Variants in E2F3 observed in about 807,000 individuals in gnomAD.
The protein encoded by E2F3 is E2F transcription factor 3.
A neutral mutation model predicts 44.4 loss-of-function variants in E2F3; 11 were observed. The observed-to-expected ratio is 0.25, with a 90% confidence interval of 0.16 to 0.41. The LOEUF (loss-of-function observed/expected upper bound fraction) is 0.41. E2F3 is among the 10% of genes least tolerant of loss of function. The pLI, the probability that E2F3 is intolerant of heterozygous loss-of-function variation, is 1.00. For synonymous variants in E2F3, 249 were observed against 253.0 expected (o/e 0.98, Z 0.15); for missense variants, 487 against 583.6 (o/e 0.83, Z 1.70).
chr6:20,429,268 T>C (rs1760317188), intron 1 of E2F3, among the ~76,000 whole-genome samples: 1 of 152,196 alleles, frequency 6.6e-6, no homozygotes, highest in Non-Finnish European at 1.5e-5. Flanking sequence ...TTGTCCCCCT[T>C]ATCCACGGTG....
chr6:20,413,870 G>T (rs114812514), intron 1 of E2F3, among the ~76,000 whole-genome samples: 3,840 of 152,282 alleles, frequency 0.025, 64 homozygotes, highest in Non-Finnish European at 0.038. Flanking sequence ...GGAAGTGAAG[G>T]GCAGATTAAG....
intron 1 of E2F3, among the ~76,000 whole-genome samples, chr6:20,424,595 T>C (rs534605962): frequency 1.1e-4 from 16 of 152,232 alleles, no homozygotes; most frequent in Non-Finnish European, 1.8e-4. Context: ...TTACATACTT[T>C]TTTTTTTCAT....
intron 1 of E2F3, among the ~76,000 whole-genome samples, chr6:20,450,109 C>T (rs1326431926): frequency 2.0e-5 from 3 of 152,114 alleles, no homozygotes. Flanking sequence ...CATAACAGAA[C>T]AATTTATATT....
intron 1 of E2F3, among the ~76,000 whole-genome samples, chr6:20,464,221 A>G (rs12660613): frequency 0.18 from 27,054 of 152,090 alleles, 2,638 homozygotes; most frequent in East Asian, 0.4. Flanking sequence ...TGGTGATCAG[A>G]TGGGCTGTTG....
At position 20,479,655 on chromosome 6, in the gene E2F3, G is replaced by A. The variant is rs1407771876; in HGVS notation, c.394-191G>A. 8.5e-5 allele frequency among the ~76,000 whole-genome samples: 13 copies of A among 152,350 alleles called. No individual in the cohort carries two copies. In the South Asian group the frequency reaches 2.7e-3, roughly 32 times the overall value. On this transcript the variant is annotated intron_variant, in intron 1 of 6. Coordinates refer to ENST00000346618, the MANE Select transcript of E2F3 (RefSeq NM_001949.5). ...CGGATGATCACGGCAGGTGAAGAGA[G>A]TGTGCATGACAACCCAGCCTACAAC...
intron 1 of E2F3, among the ~76,000 whole-genome samples, chr6:20,450,396 T>A (rs1434283911): frequency 6.6e-6 from 1 of 152,250 alleles, no homozygotes; most frequent in Non-Finnish European, 1.5e-5. Flanking sequence ...TTTTTTCATA[T>A]GCTTATTGGC....
chr6:20,409,338 A>G (rs995969717), intron 1 of E2F3, among the ~76,000 whole-genome samples: 1 of 152,276 alleles, frequency 6.6e-6, no homozygotes, highest in Admixed American at 6.5e-5. Context: ...AAAAGGAAAG[A>G]ATGACTCTTC....
intron 4 of E2F3, among the ~76,000 whole-genome samples, chr6:20,483,687 C>A (rs1762304682): frequency 6.6e-6 from 1 of 152,168 alleles, no homozygotes. Context: ...AGAGAGATTG[C>A]CTCATTATGT....
rs992761974 is a variant in E2F3 at position 20,429,368 on chromosome 6, C to T, written c.393+26743C>T. On this transcript the variant is annotated intron_variant, in intron 1 of 6. Transcript: ENST00000346618. ...CAATTCATAAGTTTTAAATTGCACT[C>T]GGTTCTGAGTAGCATCATTAAATAC... 2.0e-4 allele frequency among the ~76,000 whole-genome samples: 31 copies of T among 152,176 alleles called. 1 individual carries two copies. The highest frequency in any genetic ancestry group is 7.3e-5 in the Non-Finnish European group (5 of 68,030).
chr6:20,443,110 C>T (rs1012324432), intron 1 of E2F3, among the ~76,000 whole-genome samples: 1 of 152,184 alleles, frequency 6.6e-6, no homozygotes, highest in African/African-American at 2.4e-5. Context: ...TGGGTCTGCT[C>T]AAGAATTGCT....
intron 1 of E2F3, among the ~76,000 whole-genome samples, chr6:20,471,463 T>C (rs1761887660): frequency 6.6e-6 from 1 of 152,108 alleles, no homozygotes; most frequent in African/African-American, 2.4e-5. Flanking sequence ...ACGCCTGTAA[T>C]CCCAGCTACT....
At chr6:20,442,720 G>A (rs1760817085) in intron 1 of E2F3, among the ~76,000 whole-genome samples, 1 of 152,102 alleles carries the variant, frequency 6.6e-6, no homozygotes, top group African/African-American at 2.4e-5. Context: ...TGTAATCCCA[G>A]CACTTTGGGA....
chr6:20,416,972 C>T (rs960824502), intron 1 of E2F3, among the ~76,000 whole-genome samples: 7 of 152,154 alleles, frequency 4.6e-5, no homozygotes, highest in Non-Finnish European at 7.4e-5. Flanking sequence ...AACAGAAATT[C>T]TTAGCCTTCC....
intron 1 of E2F3, among the ~76,000 whole-genome samples, chr6:20,434,268 G>A (rs566864189): frequency 1.9e-3 from 286 of 152,268 alleles, no homozygotes; most frequent in Middle Eastern, 3.4e-3. Flanking sequence ...TAAGAAAAGG[G>A]AGCACCATCG....
chr6:20,441,570 T>C lies in E2F3; in HGVS notation c.394-38276T>C, dbSNP rs189371888. 6.6e-5 allele frequency among the ~76,000 whole-genome samples: 10 copies of C among 151,930 alleles called. No homozygotes were observed. In the East Asian group the frequency reaches 1.7e-3, roughly 26 times the overall value. Reference sequence around the variant, plus strand: ...TCATATGGTAATTCTGTGTTTAGCTTGTGTTTTTGTTTTTGTTTTTTTGAG... The same window carrying C: ...TCATATGGTAATTCTGTGTTTAGCTCGTGTTTTTGTTTTTGTTTTTTTGAG... On this transcript the variant is annotated intron_variant, in intron 1 of 6. Coordinates refer to ENST00000346618, the MANE Select transcript of E2F3 (RefSeq NM_001949.5).
At chr6:20,440,520 TTC>T (rs1235463352) in intron 1 of E2F3, among the ~76,000 whole-genome samples, 1 of 152,204 alleles carries the variant, frequency 6.6e-6, no homozygotes, top group East Asian at 1.9e-4. Flanking sequence ...TCTTGGCTCC[TTC>T]TCTGTCTCTC....
chr6:20,406,766 C>T (rs922257281), intron 1 of E2F3, among the ~76,000 whole-genome samples: 1 of 152,114 alleles, frequency 6.6e-6, no homozygotes. Context: ...TTATGCTTAG[C>T]GGCTTTTGTT....
intron 1 of E2F3, among the ~76,000 whole-genome samples, chr6:20,455,427 T>A (rs1184394139): frequency 1.3e-5 from 2 of 152,224 alleles, no homozygotes; most frequent in African/African-American, 4.8e-5. Context: ...GACTCTGACC[T>A]ACAAAAGTGT....
At chr6:20,441,958 C>T (rs535484969) in intron 1 of E2F3, among the ~76,000 whole-genome samples, 20 of 151,874 alleles carry the variant, frequency 1.3e-4, no homozygotes, top group African/African-American at 4.4e-4. Context: ...AGGGGATTGA[C>T]GCGGATCCTT....
Sources: gnomAD v4.1 joint callset for allele counts (sites outside exome capture counted in the v4.1 genomes callset) on GRCh38, gnomAD v4.1.1 for gene constraint, MANE v1.5 for transcripts, NCBI Gene and HGNC (gene_info 2026-07-23, HGNC 2026-07-21) for gene names.